CEP89: variants seen among roughly 807,000 people sequenced by gnomAD.
CEP89 encodes centrosomal protein of 89 kDa.
A neutral mutation model predicts 97.6 loss-of-function variants in CEP89; 95 were observed. That is an observed-to-expected ratio of 0.97 (90% CI 0.82 to 1.15). The LOEUF (loss-of-function observed/expected upper bound fraction) is 1.15. Among genes scored for constraint, CEP89 ranks in the 50% most tolerant of loss-of-function variants. The pLI is 0.00. For missense variants in CEP89, 869 were observed against 947.7 expected, an observed-to-expected ratio of 0.92 and a Z score of 1.09; for synonymous variants, 354 against 349.1, an observed-to-expected ratio of 1.01 and a Z score of -0.16.
Position 32,948,336 on chromosome 19 carries a change from G to A in CEP89, c.525C>T (p.Asp175=), listed in dbSNP as rs777300690. The A allele has an allele frequency of 4.8e-5, 78 of 1,610,518 alleles. 2 individuals carry two copies. Among genetic ancestry groups the A allele is most frequent in the African/African-American group, 2.4e-4 (18 of 74,716 alleles). The change falls in exon 5 of 19, where the codon GAC becomes GAT. Residue 175 remains aspartate, a synonymous_variant. Coordinates refer to ENST00000305768, the MANE Select transcript of CEP89 (RefSeq NM_032816.5). ...VPLLHEVNSE[D]DENISHQDGF... ...CATCTTGATGAGAAATATTTTCATC[G>A]TCTTCACTGTTCACCTCATGTAACA...
intron 17 of CEP89, among the ~76,000 whole-genome samples, chr19:32,886,473 G>A (rs769326707): frequency 3.9e-4 from 59 of 152,096 alleles, no homozygotes; most frequent in African/African-American, 1.4e-3. Context: ...TCACAGCCCC[G>A]GATTTCCAAG....
At chr19:32,887,716 T>G (rs1156756565) in intron 17 of CEP89, 36 bp downstream of exon 17, 2 of 1,357,534 alleles carry the variant, frequency 1.5e-6, no homozygotes, top group South Asian at 2.4e-5. Context: ...CATTCCCATC[T>G]GAAAATGAAA....
intron 14 of CEP89, among the ~76,000 whole-genome samples, chr19:32,903,511 G>A (rs34461764): frequency 0.22 from 33,559 of 152,122 alleles, 3,940 homozygotes; most frequent in East Asian, 0.52. Flanking sequence ...GCTGGGGACA[G>A]AGACGGAGAA....
chr19:32,920,741 C>T (rs1428291167), intron 12 of CEP89, among the ~76,000 whole-genome samples: 2 of 152,076 alleles, frequency 1.3e-5, no homozygotes, highest in Non-Finnish European at 2.9e-5. Flanking sequence ...GCCTCAGTCT[C>T]CCAAAGTGCT....
chr19:32,911,997 C>G (rs2145902282), intron 14 of CEP89, among the ~76,000 whole-genome samples: 1 of 152,182 alleles, frequency 6.6e-6, no homozygotes, highest in African/African-American at 2.4e-5. Flanking sequence ...GAGGCCTAGG[C>G]AGGCGGATCA....
rs1287486651 is a variant in CEP89 at position 32,902,006 on chromosome 19, C to CTGTGTGTGTGTGTG, written c.1566-595_1566-594insCACACACACACACA. Among the ~76,000 whole-genome samples the CTGTGTGTGTGTGTG allele has an allele frequency of 3.3e-3, 327 of 98,710 alleles. 2 individuals carry two copies. The highest frequency in any genetic ancestry group is 4.8e-3 in the Non-Finnish European group (243 of 50,214). The allele number at this position is 98,710 out of a possible 152,430, so 64.8% of individuals were successfully genotyped here. ...TGTCTCTGTCTCTCTGTCTCTCTCT[C>CTGTGTGTGTGTGTG]TCTCTGTGTGTGTGTGTGTGTGTGT... On this transcript the variant is annotated intron_variant, in intron 14 of 18. Coordinates refer to ENST00000305768, the MANE Select transcript of CEP89 (RefSeq NM_032816.5).
At chr19:32,901,598 C>G (rs1351961735) in intron 14 of CEP89, among the ~76,000 whole-genome samples, 186 bp from the exon 15 acceptor site, 5 of 151,932 alleles carry the variant, frequency 3.3e-5, no homozygotes, top group African/African-American at 1.2e-4. Context: ...GCTGCTAGAC[C>G]ACCGGAGAGA....
chr19:32,931,584 A>T lies in CEP89; in HGVS notation c.887-13T>A. ...TCAGGTGCAGCAACTAGGGAAAAAA[A>T]TTTAATATTATACTATAAGAAATAA... On this transcript the variant is annotated splice_polypyrimidine_tract_variant and intron_variant, in intron 8 of 18. Coordinates refer to ENST00000305768, the MANE Select transcript of CEP89 (RefSeq NM_032816.5). 1 of 1,557,824 alleles carries T rather than the reference A, an allele frequency of 6.4e-7. No homozygotes were observed.
chr19:32,919,833 A>G (rs1277330895), intron 12 of CEP89, among the ~76,000 whole-genome samples: 1 of 152,108 alleles, frequency 6.6e-6, no homozygotes, highest in African/African-American at 2.4e-5. Flanking sequence ...TTTGGTAGAG[A>G]CAGGGTTTCA....
rs1433482511 is a variant in CEP89 at position 32,960,047 on chromosome 19, G to A, written c.158C>T (p.Ala53Val). Residue 53 changes from alanine (A) to valine (V), a missense_variant, in exon 3 of 19, where the codon GCA becomes GTA. Physicochemically the swap from Ala to Val is moderately conservative, Grantham distance 64 (BLOSUM62 0). Coordinates refer to ENST00000305768, the MANE Select transcript of CEP89 (RefSeq NM_032816.5). The part of the protein sequence containing the change: ...PSPERPRSAL[A>V]AAILATTLTG... ...CAATGTTGTCGCCAGAATGGCTGCT[G>A]CCAGAGCAGATCTGCGGACAAAAAC... The A allele has an allele frequency of 1.2e-6, 2 of 1,614,064 alleles. No homozygotes were observed. Among genetic ancestry groups the A allele is most frequent in the Non-Finnish European group, 1.7e-6 (2 of 1,180,036 alleles).
intron 4 of CEP89, among the ~76,000 whole-genome samples, chr19:32,951,524 T>TAC (rs1360517555): frequency 1.1e-4 from 6 of 52,692 alleles, no homozygotes; most frequent in African/African-American, 4.2e-4. Flanking sequence ...TATATATATA[T>TAC]ATATATATAT....
At chr19:32,937,517 G>T (rs2304100) in intron 7 of CEP89, 114 bp downstream of exon 7, 317,601 of 896,690 alleles carry the variant, frequency 0.35, 57,791 homozygotes, top group Admixed American at 0.53. Context: ...AAGGGTGAAA[G>T]TTCAACAACT....
chr19:32,929,928 G>T (rs948979447), intron 9 of CEP89, among the ~76,000 whole-genome samples: 3 of 152,034 alleles, frequency 2.0e-5, no homozygotes, highest in African/African-American at 7.2e-5. Flanking sequence ...ACAGAAAATA[G>T]ATTAGTGGTT....
At position 32,926,995 on chromosome 19, in the gene CEP89, A is replaced by G. The variant is rs755315597; in HGVS notation, c.1030-11T>C. ...TTCAATATTTAAGCTCTAAGAACAAAACATGTATTGAAGACAAGTTAAACC... is the reference window on the plus strand; with the variant it reads ...TTCAATATTTAAGCTCTAAGAACAAGACATGTATTGAAGACAAGTTAAACC... On this transcript the variant is annotated splice_polypyrimidine_tract_variant and intron_variant, in intron 9 of 18. Coordinates refer to ENST00000305768, the MANE Select transcript of CEP89 (RefSeq NM_032816.5). 52 of 1,611,008 alleles carry G rather than the reference A, an allele frequency of 3.2e-5. No individual in the cohort carries two copies. Among genetic ancestry groups the G allele is most frequent in the Non-Finnish European group, 4.4e-5 (52 of 1,177,374 alleles).
intron 2 of CEP89, chr19:32,966,043 T>A (rs1971276325): frequency 8.8e-6 from 2 of 226,936 alleles, no homozygotes; most frequent in Non-Finnish European, 1.7e-5. Flanking sequence ...GAAAGAAAAT[T>A]ATGTGTATAA....
chr19:32,932,182 C>CA (rs772866337), intron 8 of CEP89, among the ~76,000 whole-genome samples: 30,975 of 112,530 alleles, frequency 0.28, 3,410 homozygotes, highest in Admixed American at 0.38. Flanking sequence ...CTCCATCTCA[C>CA]AAAAAAAAAA....
At chr19:32,896,720 A>G (rs1969649667) in intron 16 of CEP89, among the ~76,000 whole-genome samples, 1 of 152,146 alleles carries the variant, frequency 6.6e-6, no homozygotes, top group Non-Finnish European at 1.5e-5. Context: ...TATTCATTCA[A>G]CAAGAGGCTA....
At chr19:32,927,526 A>AATGTTC in intron 9 of CEP89, among the ~76,000 whole-genome samples, 1 of 152,052 alleles carries the variant, frequency 6.6e-6, no homozygotes, top group South Asian at 2.1e-4. Context: ...AATTTCATCT[A>AATGTTC]TTTTCCCACT....
chr19:32,942,796 A>G (rs953721231), intron 5 of CEP89, among the ~76,000 whole-genome samples: 1 of 151,960 alleles, frequency 6.6e-6, no homozygotes, highest in Non-Finnish European at 1.5e-5. Context: ...AAAGGCTTCA[A>G]TACTGGGCAT....
Sources: allele counts gnomAD v4.1 joint callset (sites outside exome capture counted in the v4.1 genomes callset), GRCh38; gene constraint gnomAD v4.1.1; transcripts MANE v1.5; gene names NCBI Gene and HGNC (gene_info 2026-07-23, HGNC 2026-07-21).